Variants in RALYL observed in about 807,000 individuals in gnomAD.
The protein encoded by RALYL is RALY RNA binding protein like, also known as RNA-binding Raly-like protein.
A neutral mutation model predicts 35.1 loss-of-function variants in RALYL; 29 were observed. The observed-to-expected ratio is 0.83, with a 90% CI of 0.61 to 1.13. The LOEUF (loss-of-function observed/expected upper bound fraction) is 1.13. RALYL is among the 50% of genes most tolerant of loss of function. RALYL has a pLI of 0.00. For synonymous variants in RALYL, 120 were observed against 127.6 expected, an observed-to-expected ratio of 0.94 and a Z score of 0.40; for missense variants, 359 against 360.4, an observed-to-expected ratio of 1.00 and a Z score of 0.03.
chr8:84,500,247 C>A (rs1194269022), intron 1 of RALYL, among the ~76,000 whole-genome samples: 1 of 152,032 alleles, frequency 6.6e-6, no homozygotes, highest in Non-Finnish European at 1.5e-5. Flanking sequence ...TATTTTGCAA[C>A]CTTTTTCTGG....
intron 1 of RALYL, among the ~76,000 whole-genome samples, chr8:84,195,874 T>A (rs541207339): frequency 1.3e-5 from 2 of 151,896 alleles, no homozygotes; most frequent in East Asian, 3.9e-4. Context: ...TAGGAGAGAG[T>A]CAGGGTAGAG....
At chr8:84,555,825 T>C (rs971265899) in intron 2 of RALYL, among the ~76,000 whole-genome samples, 7 of 152,142 alleles carry the variant, frequency 4.6e-5, no homozygotes, top group Non-Finnish European at 8.8e-5. Context: ...TATATAATGA[T>C]CAAGCTATTT....
intron 8 of RALYL, among the ~76,000 whole-genome samples, chr8:84,908,871 T>C (rs1326086256): frequency 6.6e-6 from 1 of 152,032 alleles, no homozygotes; most frequent in African/African-American, 2.4e-5. Context: ...CACTTTTTTT[T>C]TTTTTTGCGC....
At chr8:84,630,836 C>A (rs1213687517) in intron 2 of RALYL, among the ~76,000 whole-genome samples, 1 of 152,062 alleles carries the variant, frequency 6.6e-6, no homozygotes, top group African/African-American at 2.4e-5. Context: ...TTAACCAATT[C>A]ATCTGCATTT....
At chr8:84,485,490 G>A (rs2054516378) in intron 1 of RALYL, among the ~76,000 whole-genome samples, 2 of 152,100 alleles carry the variant, frequency 1.3e-5, no homozygotes, top group South Asian at 2.1e-4. Context: ...TGAGACAGTA[G>A]CATCTCTTGA....
intron 1 of RALYL, among the ~76,000 whole-genome samples, chr8:84,252,523 C>T (rs1830391942): frequency 6.6e-6 from 1 of 152,124 alleles, no homozygotes; most frequent in African/African-American, 2.4e-5. Flanking sequence ...CAGACCTATT[C>T]TGAAGGCATT....
At chr8:84,716,958 G>A (rs1843036140) in intron 2 of RALYL, among the ~76,000 whole-genome samples, 1 of 152,066 alleles carries the variant, frequency 6.6e-6, no homozygotes. Flanking sequence ...GGAGGCCAAG[G>A]CGGGCAGATC....
chr8:84,604,101 A>G (rs756952034), intron 2 of RALYL, among the ~76,000 whole-genome samples: 2 of 152,122 alleles, frequency 1.3e-5, no homozygotes, highest in Non-Finnish European at 2.9e-5. Context: ...TTACCAATTA[A>G]AAATGAATGG....
At chr8:84,495,359 GTAAAA>G (rs1360219212) in intron 1 of RALYL, among the ~76,000 whole-genome samples, 26 of 152,014 alleles carry the variant, frequency 1.7e-4, no homozygotes, top group Admixed American at 6.6e-5. Flanking sequence ...GTCAGAGGGC[GTAAAA>G]TACTTTGAGA....
chr8:84,420,032 A>G (rs1425789155), intron 1 of RALYL, among the ~76,000 whole-genome samples: 2 of 151,252 alleles, frequency 1.3e-5, no homozygotes, highest in African/African-American at 4.9e-5. Context: ...TTATAGCAGC[A>G]TGATTTATAG....
At chr8:84,475,789 A>G (rs1272921825) in intron 1 of RALYL, among the ~76,000 whole-genome samples, 1 of 152,128 alleles carries the variant, frequency 6.6e-6, no homozygotes, top group Non-Finnish European at 1.5e-5. Context: ...TTGTCCCTTT[A>G]CTTTGGAGTG....
chr8:84,427,043 C>A (rs541424593), intron 1 of RALYL, among the ~76,000 whole-genome samples: 44 of 152,268 alleles, frequency 2.9e-4, no homozygotes, highest in African/African-American at 1.0e-3. Context: ...GATATGGAAA[C>A]AACTCATGGA....
chr8:84,376,233 T>A (rs1856890926), intron 1 of RALYL, among the ~76,000 whole-genome samples: 1 of 151,904 alleles, frequency 6.6e-6, no homozygotes, highest in African/African-American at 2.4e-5. Context: ...GGCTCAGTAC[T>A]TGGAATAGTT....
At chr8:84,540,482 T>C (rs3101802) in intron 2 of RALYL, among the ~76,000 whole-genome samples, 11,550 of 152,056 alleles carry the variant, frequency 0.076, 453 homozygotes, top group East Asian at 0.14. Context: ...TTTATTCTGT[T>C]AGTGTGATGA....
At chr8:84,851,145 C>T (rs1016933620) in intron 5 of RALYL, among the ~76,000 whole-genome samples, 2 of 151,936 alleles carry the variant, frequency 1.3e-5, no homozygotes, top group Non-Finnish European at 2.9e-5. Context: ...TGCAAAATGC[C>T]ACGTTTTGTC....
chr8:84,509,569 G>C (rs966264855), intron 1 of RALYL, among the ~76,000 whole-genome samples: 3 of 152,036 alleles, frequency 2.0e-5, no homozygotes, highest in Non-Finnish European at 4.4e-5. Flanking sequence ...TGCCATTGGT[G>C]CTGCATCTAA....
intron 3 of RALYL, among the ~76,000 whole-genome samples, chr8:84,791,485 A>G (rs1332095664): frequency 6.6e-6 from 1 of 152,208 alleles, no homozygotes; most frequent in East Asian, 1.9e-4. Flanking sequence ...AGTAAAATAA[A>G]GAGCTTTTGG....
chr8:84,316,372 A>C (rs1843751722), intron 1 of RALYL, among the ~76,000 whole-genome samples: 1 of 152,150 alleles, frequency 6.6e-6, no homozygotes, highest in South Asian at 2.1e-4. Context: ...TATTTCTATA[A>C]TATCAGGTTT....
chr8:84,576,968 C>T (rs1171678559), intron 2 of RALYL, among the ~76,000 whole-genome samples: 1 of 152,224 alleles, frequency 6.6e-6, no homozygotes, highest in South Asian at 2.1e-4. Flanking sequence ...CAGTGCCTAT[C>T]TCTCTCATTG....
Sources: allele counts gnomAD v4.1 joint callset (sites outside exome capture counted in the v4.1 genomes callset), GRCh38; gene constraint gnomAD v4.1.1; transcripts MANE v1.5; gene names NCBI Gene and HGNC (gene_info 2026-07-23, HGNC 2026-07-21).